Variants in CFAP96 observed in about 807,000 individuals in gnomAD.
CFAP96 encodes the protein cilia-and flagella-associated protein 96.
At chr4:185,443,343 T>TATATATATATATATATATATATA in the CFAP96 span, among the ~76,000 whole-genome samples, 6 of 19,188 alleles carry the variant, frequency 3.1e-4, no homozygotes, top group African/African-American at 9.0e-4. Context: ...TATATATATA[T>TATATATATATATATATATATATA]TTTTTTTTTT....
chr4:185,429,899 G>T, the CFAP96 span, among the ~76,000 whole-genome samples: 1 of 152,092 alleles, frequency 6.6e-6, no homozygotes, highest in African/African-American at 2.4e-5. Flanking sequence ...TTGAACTCTT[G>T]ACCTCAAGAG....
chr4:185,425,936 G>GGC, the CFAP96 span: 11 of 1,556,216 alleles, frequency 7.1e-6, no homozygotes, highest in African/African-American at 1.4e-4. Flanking sequence ...GCCCTGAAGT[G>GGC]GTGTCACCGC....
At chr4:185,435,364 A>G in the CFAP96 span, among the ~76,000 whole-genome samples, 1 of 152,216 alleles carries the variant, frequency 6.6e-6, no homozygotes, top group Non-Finnish European at 1.5e-5. Flanking sequence ...TGTGTCTTGT[A>G]GACCTTTTTC....
chr4:185,439,036 G>T, the CFAP96 span, among the ~76,000 whole-genome samples: 1 of 152,194 alleles, frequency 6.6e-6, no homozygotes, highest in African/African-American at 2.4e-5. Flanking sequence ...AAGACAAATA[G>T]AGTATTCTTC....
chr4:185,411,751 A>G, the CFAP96 span, among the ~76,000 whole-genome samples: 5 of 152,242 alleles, frequency 3.3e-5, no homozygotes, highest in Non-Finnish European at 7.3e-5. Context: ...AGGAATGTTC[A>G]TTGTCTAAAC....
chr4:185,427,561 A>G, the CFAP96 span, among the ~76,000 whole-genome samples: 1 of 151,266 alleles, frequency 6.6e-6, no homozygotes, highest in East Asian at 1.9e-4. Flanking sequence ...GGAGTTTGAG[A>G]CCAGCCTGAC....
At chr4:185,435,264 T>C in the CFAP96 span, among the ~76,000 whole-genome samples, 1 of 152,234 alleles carries the variant, frequency 6.6e-6, no homozygotes, top group African/African-American at 2.4e-5. Flanking sequence ...GTATTGACAA[T>C]AAGCAATCGG....
the CFAP96 span, among the ~76,000 whole-genome samples, chr4:185,431,624 T>C: frequency 1.3e-5 from 2 of 152,176 alleles, no homozygotes; most frequent in Non-Finnish European, 2.9e-5. Flanking sequence ...GCGCACACAC[T>C]CTCACTGACA....
chr4:185,434,793 C>T, the CFAP96 span, among the ~76,000 whole-genome samples: 93,788 of 151,936 alleles, frequency 0.62, 32,124 homozygotes, highest in East Asian at 0.84. Context: ...AGCTGGAGTG[C>T]AGTGGCGCGA....
At chr4:185,436,688 T>C in the CFAP96 span, among the ~76,000 whole-genome samples, 37 of 144,814 alleles carry the variant, frequency 2.6e-4, no homozygotes, top group African/African-American at 8.3e-4. Flanking sequence ...CCAGCCTCGG[T>C]GACAGAACGA....
chr4:185,433,110 A>G, the CFAP96 span, among the ~76,000 whole-genome samples: 17 of 152,166 alleles, frequency 1.1e-4, no homozygotes, highest in Non-Finnish European at 1.6e-4. Flanking sequence ...GTTTAACAGT[A>G]TCTTAGTTGT....
chr4:185,440,494 A>G, the CFAP96 span: 1 of 1,222,932 alleles, frequency 8.2e-7, no homozygotes, highest in South Asian at 1.6e-5. Flanking sequence ...GTTATTTTCA[A>G]TTTGTGAAAT....
At chr4:185,445,048 G>A in the CFAP96 span, 1 of 1,551,462 alleles carries the variant, frequency 6.4e-7, no homozygotes, top group Non-Finnish European at 8.7e-7. Flanking sequence ...AAATATTTCT[G>A]GCAAAGATGA....
chr4:185,425,790 G>A, the CFAP96 span: 61 of 1,563,950 alleles, frequency 3.9e-5, no homozygotes, highest in African/African-American at 7.2e-4. Flanking sequence ...CCTTTCAGGC[G>A]CTGTGAAGCC....
At chr4:185,415,109 T>C in the CFAP96 span, 15 of 1,429,942 alleles carry the variant, frequency 1.0e-5, no homozygotes, top group East Asian at 3.7e-4. Context: ...ACAAAATGAA[T>C]GATAGTCATT....
the CFAP96 span, chr4:185,415,352 G>C: frequency 1.3e-6 from 2 of 1,565,232 alleles, no homozygotes; most frequent in Non-Finnish European, 1.7e-6. Context: ...CGAACTCTGT[G>C]GGGGGAAATA....
chr4:185,436,728 A>AATAATAATAAT, the CFAP96 span, among the ~76,000 whole-genome samples: 1 of 148,950 alleles, frequency 6.7e-6, no homozygotes, highest in African/African-American at 2.5e-5. Flanking sequence ...TAATAATAAT[A>AATAATAATAAT]ATAATAATAA....
chr4:185,430,632 G>A, the CFAP96 span, among the ~76,000 whole-genome samples: 1 of 152,022 alleles, frequency 6.6e-6, no homozygotes, highest in Non-Finnish European at 1.5e-5. Context: ...GCCAGGTGTG[G>A]TGGCTCACAG....
the CFAP96 span, chr4:185,431,958 A>T: frequency 6.7e-7 from 1 of 1,501,030 alleles, no homozygotes; most frequent in Non-Finnish European, 9.0e-7. Context: ...TCAAAATTAT[A>T]ATATGCCTAA....
Sources: allele counts gnomAD v4.1 joint callset (sites outside exome capture counted in the v4.1 genomes callset), GRCh38; gene constraint gnomAD v4.1.1; transcripts MANE v1.5; gene names NCBI Gene and HGNC (gene_info 2026-07-23, HGNC 2026-07-21).